AMN1: variants seen among roughly 807,000 people sequenced by gnomAD.
The protein encoded by AMN1 is protein AMN1 homolog.
Under a neutral mutation model 33.0 loss-of-function variants are expected in AMN1, and 20 were observed. The observed-to-expected ratio is 0.61, with a 90% CI of 0.43 to 0.88. The LOEUF is 0.88. AMN1 is among the 40% of genes least tolerant of loss of function. The probability of loss-of-function intolerance (pLI) is 0.00; values close to 1 mark genes in which losing one functional copy is unlikely to be tolerated. For synonymous variants in AMN1, 114 were observed against 111.9 expected (o/e 1.02, Z -0.12); for missense variants, 246 against 307.4 (o/e 0.80, Z 1.49).
rs549751617 is a variant in AMN1 at position 31,692,349 on chromosome 12, T to C, written c.592-3231A>G. Among the ~76,000 whole-genome samples, 49 of 150,654 alleles carry C rather than the reference T, an allele frequency of 3.3e-4. 2 individuals carry two copies. In the South Asian group the frequency reaches 0.01, roughly 31 times the overall value. On this transcript the variant is annotated intron_variant, in intron 5 of 6. Coordinates refer to ENST00000281471, the MANE Select transcript of AMN1 (RefSeq NM_001113402.2). ...GTGTGCACCTGTAGTCCCAGCTACT[T>C]GGGAAGCTGAGGCAGAAGAATCGCT...
At chr12:31,709,262 A>G (rs1349356764) in intron 2 of AMN1, 31 bp downstream of exon 2, 1 of 1,606,934 alleles carries the variant, frequency 6.2e-7, no homozygotes, top group South Asian at 1.1e-5. Flanking sequence ...AAAATATAAT[A>G]TGCTTGCTTT....
intron 6 of AMN1, among the ~76,000 whole-genome samples, chr12:31,685,814 AG>A (rs1203709915): frequency 6.6e-6 from 1 of 150,708 alleles, no homozygotes; most frequent in African/African-American, 2.4e-5. Context: ...AAAAAAAGAA[AG>A]AAAGAAAGAA....
intron 1 of AMN1, among the ~76,000 whole-genome samples, chr12:31,718,091 T>C (rs1592175797): frequency 6.6e-6 from 1 of 152,160 alleles, no homozygotes; most frequent in Non-Finnish European, 1.5e-5. Flanking sequence ...CATAGTCCCA[T>C]ATTTCTTGGA....
intron 1 of AMN1, among the ~76,000 whole-genome samples, chr12:31,726,424 G>T (rs1373033745): frequency 6.6e-6 from 1 of 152,210 alleles, no homozygotes; most frequent in Non-Finnish European, 1.5e-5. Flanking sequence ...GCCTTCCAAA[G>T]TGCTGGGGTT....
intron 1 of AMN1, among the ~76,000 whole-genome samples, chr12:31,720,399 G>C (rs1263177216): frequency 1.3e-5 from 2 of 152,184 alleles, no homozygotes; most frequent in Non-Finnish European, 2.9e-5. Flanking sequence ...AATTAGCCGG[G>C]TGTGGTGGCA....
At chr12:31,678,555 C>A (rs11051527) in intron 6 of AMN1, among the ~76,000 whole-genome samples, 11,108 of 152,082 alleles carry the variant, frequency 0.073, 677 homozygotes, top group East Asian at 0.28. Context: ...CACCACCACA[C>A]CCGGCTAATT....
chr12:31,722,890 C>T (rs1477623292), intron 1 of AMN1, among the ~76,000 whole-genome samples: 1 of 152,160 alleles, frequency 6.6e-6, no homozygotes, highest in Non-Finnish European at 1.5e-5. Flanking sequence ...GGCACGGTGG[C>T]TCACACCTGT....
At chr12:31,674,889 G>A (rs1951354768) in intron 6 of AMN1, among the ~76,000 whole-genome samples, 1 of 151,882 alleles carries the variant, frequency 6.6e-6, no homozygotes, top group Non-Finnish European at 1.5e-5. Context: ...ATGCATGGTG[G>A]TGGGTGCTTG....
Position 31,687,267 on chromosome 12 carries a change from T to C in AMN1, c.703+1740A>G, listed in dbSNP as rs1371880070. ...AGATGTCACTGATACCCAGATACAA[T>C]CTATGGTTACAGCCTTGGTTAAGGC... On this transcript the variant is annotated intron_variant, in intron 6 of 6. Coordinates refer to ENST00000281471, the MANE Select transcript of AMN1 (RefSeq NM_001113402.2). This position sits in a 1 kb window ranked among gnomAD's most constrained non-coding sequence, Gnocchi z 4.1. Among the ~76,000 whole-genome samples, 2 of 152,188 alleles carry C rather than the reference T, an allele frequency of 1.3e-5. No individual in the cohort carries two copies. Among genetic ancestry groups the C allele is most frequent in the Admixed American group, 1.3e-4 (2 of 15,284 alleles).
chr12:31,688,037 C>G (rs1938342327), intron 6 of AMN1, among the ~76,000 whole-genome samples: 1 of 152,180 alleles, frequency 6.6e-6, no homozygotes, highest in Non-Finnish European at 1.5e-5. Context: ...TCACTGCAAC[C>G]TCCACCTCCC....
At chr12:31,714,517 G>A (rs1346457439) in intron 1 of AMN1, 1 of 152,134 alleles carries the variant, frequency 6.6e-6, no homozygotes, top group African/African-American at 2.4e-5. Context: ...TTGTAGAGAT[G>A]GGGTCTCTAT....
chr12:31,707,303 T>C (rs919358573), intron 2 of AMN1, among the ~76,000 whole-genome samples: 2 of 152,198 alleles, frequency 1.3e-5, no homozygotes, highest in Non-Finnish European at 2.9e-5. Context: ...TGAGTCTTGA[T>C]CAAAAAGTTT....
chr12:31,706,109 G>A (rs562756563), intron 2 of AMN1, among the ~76,000 whole-genome samples: 16 of 151,982 alleles, frequency 1.1e-4, no homozygotes, highest in African/African-American at 2.9e-4. Flanking sequence ...TCAGGAGATC[G>A]AGACCATCCT....
chr12:31,729,138 G>A, upstream of AMN1: 2 of 1,064,232 alleles, frequency 1.9e-6, no homozygotes, highest in Non-Finnish European at 2.7e-6. Context: ...TCCGGTGACC[G>A]GGGCGTGGCC....
chr12:31,678,767 G>T (rs7957209), intron 6 of AMN1, among the ~76,000 whole-genome samples: 150,029 of 152,306 alleles, frequency 0.99, 73,946 homozygotes, highest in Middle Eastern at 1. Flanking sequence ...GACATTTTTA[G>T]AGAACACACA....
chr12:31,714,968 A>T, intron 1 of AMN1: 1 of 925,280 alleles, frequency 1.1e-6, no homozygotes, highest in Non-Finnish European at 1.3e-6. Context: ...AAATTAGGAC[A>T]GAATTGGGAT....
At chr12:31,717,943 C>T (rs1479676863) in intron 1 of AMN1, among the ~76,000 whole-genome samples, 1 of 152,042 alleles carries the variant, frequency 6.6e-6, no homozygotes, top group Non-Finnish European at 1.5e-5. Flanking sequence ...CATTGTTCAA[C>T]CTGAATTTGA....
At position 31,720,494 on chromosome 12, in the gene AMN1, C is replaced by T. The variant is rs571447136; in HGVS notation, c.38+8477G>A. 2.2e-3 allele frequency among the ~76,000 whole-genome samples: 340 copies of T among 151,318 alleles called. 1 individual carries two copies. Among genetic ancestry groups the T allele is most frequent in the African/African-American group, 8.0e-3 (330 of 41,226 alleles). On this transcript the variant is annotated intron_variant, in intron 1 of 6. Coordinates refer to ENST00000281471, the MANE Select transcript of AMN1 (RefSeq NM_001113402.2). ...GGAAGAGGTTTCAGTGAGCTGAGAT[C>T]GTGCCACTGCACTCCAGCCTGGACA...
intron 3 of AMN1, among the ~76,000 whole-genome samples, chr12:31,699,395 C>CAAAAAAAAAAAAAAAAAAA: frequency 2.4e-4 from 9 of 36,870 alleles, no homozygotes; most frequent in East Asian, 9.8e-4. Context: ...GACTCTGTCT[C>CAAAAAAAAAAAAAAAAAAA]AAAAAAAAAA....
Sources: gnomAD v4.1 joint callset for allele counts (sites outside exome capture counted in the v4.1 genomes callset) on GRCh38, gnomAD v4.1.1 for gene constraint, Gnocchi (gnomAD v3.1) non-coding constraint, MANE v1.5 for transcripts, NCBI Gene and HGNC (gene_info 2026-07-23, HGNC 2026-07-21) for gene names.